PAN3: variants seen among roughly 807,000 people sequenced by gnomAD.
PAN3 encodes the protein PAN2-PAN3 deadenylation complex subunit PAN3.
Under a neutral mutation model 96.2 loss-of-function variants are expected in PAN3, and 19 were observed. The observed-to-expected ratio is 0.20, with a 90% confidence interval of 0.14 to 0.29. PAN3 has a LOEUF of 0.29. PAN3 is among the 10% of genes least tolerant of loss of function. The probability of loss-of-function intolerance (pLI) is 1.00; values close to 1 mark genes in which losing one functional copy is unlikely to be tolerated. For missense variants in PAN3, 882 were observed against 1,108.1 expected (o/e 0.80, Z 2.90); for synonymous variants, 433 against 406.6 (o/e 1.06, Z -0.78).
At chr13:28,265,719 G>GTTTTTT (rs1250740692) in intron 9 of PAN3, among the ~76,000 whole-genome samples, 1 of 10,046 alleles carries the variant, frequency 1.0e-4, no homozygotes, top group African/African-American at 6.0e-4. Context: ...TGTTTATAGG[G>GTTTTTT]TTTTTTTTTT....
At chr13:28,198,079 C>G (rs180704058) in intron 5 of PAN3, among the ~76,000 whole-genome samples, 83 of 151,992 alleles carry the variant, frequency 5.5e-4, no homozygotes, top group African/African-American at 1.8e-3. Context: ...TTAAGACCAG[C>G]CTGGCCAACA....
chr13:28,255,577 A>T (rs1399976251), intron 6 of PAN3, among the ~76,000 whole-genome samples: 1 of 152,090 alleles, frequency 6.6e-6, no homozygotes. Flanking sequence ...ACTGGAACAT[A>T]GTGGTTGTTC....
intron 5 of PAN3, among the ~76,000 whole-genome samples, chr13:28,199,605 G>C (rs776559055): frequency 6.6e-6 from 1 of 152,068 alleles, no homozygotes; most frequent in African/African-American, 2.4e-5. Context: ...CTCTATTACT[G>C]TCTGTGTAGA....
chr13:28,219,775 A>G (rs149199323), intron 5 of PAN3, among the ~76,000 whole-genome samples: 2 of 152,382 alleles, frequency 1.3e-5, no homozygotes, highest in African/African-American at 2.4e-5. Context: ...ACTTAAATAC[A>G]TGATACCATA....
chr13:28,215,521 G>A (rs1027631112), intron 5 of PAN3: 4 of 673,858 alleles, frequency 5.9e-6, no homozygotes, highest in African/African-American at 5.4e-5. Flanking sequence ...AATGAAGGCA[G>A]TTGGCCTCAC....
At chr13:28,202,980 C>T (rs989689828) in intron 5 of PAN3, among the ~76,000 whole-genome samples, 3 of 151,928 alleles carry the variant, frequency 2.0e-5, no homozygotes, top group Admixed American at 6.6e-5. Context: ...TTTTTTCCCC[C>T]CAGACAGGGT....
intron 9 of PAN3, among the ~76,000 whole-genome samples, chr13:28,263,090 G>A (rs188598380): frequency 1.8e-3 from 275 of 152,188 alleles, no homozygotes; most frequent in African/African-American, 6.2e-3. Context: ...AAAGGGCCAC[G>A]ACCATCCAAG....
rs532031285 is a variant in PAN3, at chr13:28,142,701, A to G, written c.430+3614A>G. Among the ~76,000 whole-genome samples the G allele has an allele frequency of 1.8e-4, 28 of 152,114 alleles. 1 individual carries two copies. The South Asian group carries it at 3.7e-3, about 20-fold the overall frequency. ...CCATAATTTAGTGTTTTTAATTTCTATGTTTGTGGGTTTTGATTGAATCAT... is the reference window on the plus strand; with the variant it reads ...CCATAATTTAGTGTTTTTAATTTCTGTGTTTGTGGGTTTTGATTGAATCAT... On this transcript the variant is annotated intron_variant, in intron 1 of 18. Coordinates refer to ENST00000380958, the MANE Select transcript of PAN3 (RefSeq NM_175854.8).
intron 4 of PAN3, among the ~76,000 whole-genome samples, chr13:28,194,466 ATTTTTTT>A (rs1284832933): frequency 8.2e-6 from 1 of 122,132 alleles, no homozygotes; most frequent in Non-Finnish European, 1.6e-5. Flanking sequence ...ATATATATAT[ATTTTTTT>A]TTTTTTTTTT....
At chr13:28,181,906 A>G (rs1007483806) in intron 4 of PAN3, among the ~76,000 whole-genome samples, 1 of 152,220 alleles carries the variant, frequency 6.6e-6, no homozygotes, top group African/African-American at 2.4e-5. Context: ...AGGAATGCCT[A>G]ATTTTATAGA....
At chr13:28,244,397 A>G (rs1883975924) in intron 6 of PAN3, among the ~76,000 whole-genome samples, 1 of 152,144 alleles carries the variant, frequency 6.6e-6, no homozygotes, top group African/African-American at 2.4e-5. Flanking sequence ...AATGAAAGGG[A>G]GATTCACTTT....
intron 6 of PAN3, among the ~76,000 whole-genome samples, chr13:28,251,450 A>G (rs1182500307): frequency 6.6e-6 from 1 of 152,040 alleles, no homozygotes; most frequent in Non-Finnish European, 1.5e-5. Context: ...AGTTTTTCCA[A>G]AGCAGGTCGA....
chr13:28,257,689 T>G (rs1402223367), intron 7 of PAN3, among the ~76,000 whole-genome samples: 1 of 140,542 alleles, frequency 7.1e-6, no homozygotes, highest in South Asian at 2.1e-4. Context: ...TTAAATTATA[T>G]AAATATATAT....
chr13:28,209,808 C>T (rs1400834205), intron 5 of PAN3, among the ~76,000 whole-genome samples: 3 of 151,872 alleles, frequency 2.0e-5, no homozygotes, highest in East Asian at 1.9e-4. Flanking sequence ...TTCCCTTTTT[C>T]CTTTCTCCTT....
At chr13:28,248,770 G>A (rs1884446557) in intron 6 of PAN3, among the ~76,000 whole-genome samples, 2 of 152,158 alleles carry the variant, frequency 1.3e-5, no homozygotes, top group African/African-American at 4.8e-5. Flanking sequence ...CCATCTTCCT[G>A]TCTTGGCCTC....
At chr13:28,236,077 GCTCCT>G (rs1356560311) in intron 6 of PAN3, among the ~76,000 whole-genome samples, 1 of 152,000 alleles carries the variant, frequency 6.6e-6, no homozygotes. Flanking sequence ...AAAGTTAAAT[GCTCCT>G]GTGGTATTTT....
chr13:28,212,827 T>C (rs1344683971), intron 5 of PAN3, among the ~76,000 whole-genome samples: 2 of 152,138 alleles, frequency 1.3e-5, no homozygotes, highest in Non-Finnish European at 2.9e-5. Context: ...TGGGATAACA[T>C]CAGGTGACCT....
At position 28,235,177 on chromosome 13, in the gene PAN3, T is replaced by G. The variant is rs542761148; in HGVS notation, c.1000+14799T>G. On this transcript the variant is annotated intron_variant, in intron 6 of 18. Transcript: ENST00000380958. The stretch of plus-strand genomic sequence containing the variant: ...TCATGTTCTCTGCATGTGTCATTCC[T>G]CCCATTCCTTCCATGGCTGGTTCCT... 2.6e-5 allele frequency among the ~76,000 whole-genome samples: 4 copies of G among 152,330 alleles called. No individual in the cohort carries two copies. The South Asian group carries it at 8.3e-4, about 32-fold the overall frequency.
chr13:28,250,662 C>T (rs1884638802), intron 6 of PAN3, among the ~76,000 whole-genome samples: 1 of 152,104 alleles, frequency 6.6e-6, no homozygotes, highest in South Asian at 2.1e-4. Flanking sequence ...CCACCGCACC[C>T]GGCCTAATTT....
Sources: allele counts gnomAD v4.1 joint callset (sites outside exome capture counted in the v4.1 genomes callset), GRCh38; gene constraint gnomAD v4.1.1; transcripts MANE v1.5; gene names NCBI Gene and HGNC (gene_info 2026-07-23, HGNC 2026-07-21).